The following ROBO1 variants were observed in gnomAD, a reference collection of about 807,000 sequenced individuals.
ROBO1 encodes roundabout guidance receptor 1, also known as roundabout homolog 1.
A neutral mutation model predicts 195.9 loss-of-function variants in ROBO1; 149 were observed. The ratio of observed to expected loss-of-function variants is 0.76; its 90% CI spans 0.67 to 0.87. ROBO1 has a LOEUF of 0.87. Ranked by LOEUF, ROBO1 falls within the 40% of genes least tolerant of loss-of-function variation. The pLI is 0.00. For synonymous variants in ROBO1, 816 were observed against 733.2 expected (o/e 1.11, Z -1.82); for missense variants, 1,933 against 2,068.3 (o/e 0.93, Z 1.27).
At chr3:79,765,717 A>G (rs1453432075) in intron 1 of ROBO1, among the ~76,000 whole-genome samples, 1 of 152,210 alleles carries the variant, frequency 6.6e-6, no homozygotes, top group African/African-American at 2.4e-5. Context: ...AAAGCGAGGA[A>G]AAAATGAAAT....
At chr3:79,648,920 T>C (rs1945916107) in intron 1 of ROBO1, among the ~76,000 whole-genome samples, 1 of 152,106 alleles carries the variant, frequency 6.6e-6, no homozygotes, top group African/African-American at 2.4e-5. Flanking sequence ...ATGAATATCA[T>C]CAAAGTACAT....
At chr3:78,816,992 AT>A (rs893430257) in intron 4 of ROBO1, among the ~76,000 whole-genome samples, 3 of 146,660 alleles carry the variant, frequency 2.0e-5, no homozygotes, top group African/African-American at 7.5e-5. Context: ...AATAAAAAAA[AT>A]AAAATAAAAT....
chr3:79,098,576 G>C lies in ROBO1; in HGVS notation c.172+26880C>G, dbSNP rs544712340. 3.3e-5 allele frequency among the ~76,000 whole-genome samples: 5 copies of C among 151,830 alleles called. No homozygotes were observed. The South Asian group carries it at 1.0e-3, about 32-fold the overall frequency. ...CATTTACTGAATCTAGATGACAAAGGTTACACCCAATGGGAATAAACTTCT... is the reference window on the plus strand; with the variant it reads ...CATTTACTGAATCTAGATGACAAAGCTTACACCCAATGGGAATAAACTTCT... On this transcript the variant is annotated intron_variant, in intron 3 of 30. Transcript: ENST00000464233.
At chr3:78,762,604 G>A (rs2083133223) in intron 4 of ROBO1, among the ~76,000 whole-genome samples, 1 of 151,768 alleles carries the variant, frequency 6.6e-6, no homozygotes, top group African/African-American at 2.4e-5. Flanking sequence ...TTTTTCTTTT[G>A]TTCTCCAGGT....
chr3:79,185,955 T>G (rs1462164190), intron 2 of ROBO1, among the ~76,000 whole-genome samples: 1 of 152,134 alleles, frequency 6.6e-6, no homozygotes, highest in African/African-American at 2.4e-5. Flanking sequence ...CCTCCAAGTT[T>G]CATTAAACAT....
chr3:79,133,416 C>T (rs1407475840), intron 2 of ROBO1, among the ~76,000 whole-genome samples: 4 of 129,390 alleles, frequency 3.1e-5, no homozygotes, highest in East Asian at 2.5e-4. Flanking sequence ...CTTCTCTTCT[C>T]GCTTCATTTC....
At chr3:78,877,787 A>T (rs1330638511) in intron 4 of ROBO1, among the ~76,000 whole-genome samples, 1 of 152,198 alleles carries the variant, frequency 6.6e-6, no homozygotes, top group African/African-American at 2.4e-5. Context: ...ATATTCATGG[A>T]GGAGCCTCCA....
chr3:79,273,365 A>T (rs1396094641), intron 2 of ROBO1, among the ~76,000 whole-genome samples: 1 of 152,066 alleles, frequency 6.6e-6, no homozygotes. Flanking sequence ...AAACAAGGGG[A>T]TGATGTTAGA....
chr3:78,823,739 C>G (rs2031281810), intron 4 of ROBO1, among the ~76,000 whole-genome samples: 1 of 152,196 alleles, frequency 6.6e-6, no homozygotes, highest in African/African-American at 2.4e-5. Context: ...CTTGCCTAAT[C>G]CATACTTACC....
chr3:79,019,147 A>C (rs929875182), intron 3 of ROBO1: 2 of 986,298 alleles, frequency 2.0e-6, no homozygotes, highest in Non-Finnish European at 2.4e-6. Context: ...AGGACCGCGG[A>C]CACTCGCACG....
At chr3:78,678,811 C>A (rs1326986551) in intron 10 of ROBO1, among the ~76,000 whole-genome samples, 1 of 152,172 alleles carries the variant, frequency 6.6e-6, no homozygotes, top group East Asian at 1.9e-4. Context: ...GGGAATCCTC[C>A]CTAACTCATT....
chr3:79,206,640 G>T (rs1438440619), intron 2 of ROBO1, among the ~76,000 whole-genome samples: 1 of 152,104 alleles, frequency 6.6e-6, no homozygotes, highest in African/African-American at 2.4e-5. Context: ...CCTGTTGCTT[G>T]CAGCTGAAAG....
chr3:78,945,352 G>A (rs2040372354), intron 3 of ROBO1, among the ~76,000 whole-genome samples: 1 of 152,128 alleles, frequency 6.6e-6, no homozygotes, highest in South Asian at 2.1e-4. Context: ...AGCAGCATTT[G>A]CAGTTCACCA....
At chr3:79,595,715 T>C (rs934809488) in intron 1 of ROBO1, among the ~76,000 whole-genome samples, 1 of 150,564 alleles carries the variant, frequency 6.6e-6, no homozygotes, top group African/African-American at 2.4e-5. Flanking sequence ...TCTTCTCTTT[T>C]TCTTTTTACT....
At chr3:79,390,331 T>C (rs1305921003) in intron 2 of ROBO1, among the ~76,000 whole-genome samples, 1 of 151,760 alleles carries the variant, frequency 6.6e-6, no homozygotes, top group Non-Finnish European at 1.5e-5. Context: ...GAGCTAGGGA[T>C]ATAAGATTGG....
intron 4 of ROBO1, among the ~76,000 whole-genome samples, chr3:78,748,156 T>C (rs1030882837): frequency 1.3e-5 from 2 of 152,124 alleles, no homozygotes; most frequent in Admixed American, 1.3e-4. Context: ...TTAAAACCTA[T>C]TGAATTGGGC....
At chr3:79,188,690 G>A (rs902172102) in intron 2 of ROBO1, among the ~76,000 whole-genome samples, 1 of 151,702 alleles carries the variant, frequency 6.6e-6, no homozygotes, top group Admixed American at 6.6e-5. Flanking sequence ...AGCTGAGCAC[G>A]TGTTTTGGCC....
At chr3:79,023,613 T>C (rs1397355016) in intron 3 of ROBO1, among the ~76,000 whole-genome samples, 3 of 150,830 alleles carry the variant, frequency 2.0e-5, no homozygotes, top group Non-Finnish European at 1.5e-5. Context: ...GGAGGAGAAA[T>C]TCCCAGGGTT....
chr3:79,089,060 ATACT>A (rs1445249235), intron 3 of ROBO1, among the ~76,000 whole-genome samples: 6 of 152,154 alleles, frequency 3.9e-5, no homozygotes, highest in African/African-American at 7.2e-5. Flanking sequence ...TATTTTTAAC[ATACT>A]TAGTTTCTTT....
Sources: gnomAD v4.1 joint callset for allele counts (sites outside exome capture counted in the v4.1 genomes callset) on GRCh38, gnomAD v4.1.1 for gene constraint, MANE v1.5 for transcripts, NCBI Gene and HGNC (gene_info 2026-07-23, HGNC 2026-07-21) for gene names.